The following TAFA1 variants were observed in gnomAD, a reference collection of about 807,000 sequenced individuals.
TAFA1 encodes TAFA chemokine like family member 1.
A neutral mutation model predicts 18.5 loss-of-function variants in TAFA1; 4 were observed. The ratio of observed to expected loss-of-function variants is 0.22; its 90% CI spans 0.11 to 0.49. TAFA1 has a LOEUF of 0.49. TAFA1 is among the 20% of genes least tolerant of loss of function. The pLI, the probability that TAFA1 is intolerant of heterozygous loss-of-function variation, is 0.98. For missense variants in TAFA1, 147 were observed against 169.0 expected, an observed-to-expected ratio of 0.87 and a Z score of 0.72; for synonymous variants, 56 against 55.2, an observed-to-expected ratio of 1.01 and a Z score of -0.06.
intron 2 of TAFA1, among the ~76,000 whole-genome samples, chr3:68,034,273 A>G (rs1370380008): frequency 2.0e-5 from 3 of 152,188 alleles, no homozygotes; most frequent in Non-Finnish European, 4.4e-5. Context: ...CTATGATGAT[A>G]ATGACAAATG....
chr3:68,491,671 C>T (rs576524487), intron 3 of TAFA1, among the ~76,000 whole-genome samples: 77 of 147,820 alleles, frequency 5.2e-4, no homozygotes, highest in Middle Eastern at 7.1e-3. Context: ...GCACATGTAC[C>T]CTAAAACTTA....
chr3:68,043,944 T>A lies in TAFA1; in HGVS notation c.118+37200T>A, dbSNP rs904821829. 9.2e-5 allele frequency among the ~76,000 whole-genome samples: 14 copies of A among 151,942 alleles called. No homozygotes were observed. The East Asian group carries it at 1.7e-3, about 19-fold the overall frequency. On this transcript the variant is annotated intron_variant, in intron 2 of 4. Transcript: ENST00000478136. ...TGTAAAAAATAAAAAGAAAGAAAAA[T>A]TCATTTCTGTTTTCTGACCTAGAAC...
chr3:68,018,923 A>G (rs1704624207), intron 2 of TAFA1, among the ~76,000 whole-genome samples: 1 of 152,180 alleles, frequency 6.6e-6, no homozygotes, highest in African/African-American at 2.4e-5. Flanking sequence ...TTATGATATG[A>G]CATTTGGTCT....
intron 2 of TAFA1, among the ~76,000 whole-genome samples, chr3:68,083,912 C>G (rs1237558977): frequency 6.6e-6 from 1 of 152,162 alleles, no homozygotes; most frequent in Non-Finnish European, 1.5e-5. Context: ...CCACAGGAAC[C>G]TCTTTTTTCT....
intron 4 of TAFA1, among the ~76,000 whole-genome samples, chr3:68,539,658 TC>T (rs2073335351): frequency 1.3e-4 from 9 of 71,556 alleles, no homozygotes; most frequent in African/African-American, 4.6e-4. Context: ...TCTCTCTTTG[TC>T]TCTCTCTGTG....
At chr3:68,319,815 C>T (rs2068669106) in intron 2 of TAFA1, among the ~76,000 whole-genome samples, 1 of 152,014 alleles carries the variant, frequency 6.6e-6, no homozygotes, top group Middle Eastern at 3.2e-3. Flanking sequence ...TTTAGTATTC[C>T]AAAGATGGGG....
intron 2 of TAFA1, among the ~76,000 whole-genome samples, chr3:68,042,792 A>C (rs1188617085): frequency 1.3e-5 from 2 of 152,242 alleles, no homozygotes; most frequent in South Asian, 4.1e-4. Flanking sequence ...GTTGACAGGC[A>C]CAGAGGCTGG....
intron 2 of TAFA1, among the ~76,000 whole-genome samples, chr3:68,175,757 A>G (rs561712040): frequency 1.3e-5 from 2 of 152,174 alleles, no homozygotes; most frequent in South Asian, 4.2e-4. Context: ...ATGAGTTAAG[A>G]CTTTGGGGGA....
intron 2 of TAFA1, among the ~76,000 whole-genome samples, chr3:68,085,279 AAC>A (rs2064957269): frequency 6.6e-6 from 1 of 152,214 alleles, no homozygotes; most frequent in Non-Finnish European, 1.5e-5. Flanking sequence ...AAAGAAAGCT[AAC>A]AGTTTTCTCT....
intron 2 of TAFA1, among the ~76,000 whole-genome samples, chr3:68,268,858 G>T (rs11706193): frequency 0.065 from 9,955 of 152,188 alleles, 371 homozygotes; most frequent in East Asian, 0.11. Context: ...CAGAGTGGCT[G>T]ACACAAACTC....
chr3:68,442,318 A>C (rs539233152), intron 3 of TAFA1, among the ~76,000 whole-genome samples: 16 of 152,206 alleles, frequency 1.1e-4, no homozygotes, highest in African/African-American at 3.9e-4. Flanking sequence ...AGGGTATTAC[A>C]TGTCAAAGGG....
chr3:68,237,607 A>G (rs987330772), intron 2 of TAFA1, among the ~76,000 whole-genome samples: 18 of 152,186 alleles, frequency 1.2e-4, no homozygotes, highest in African/African-American at 4.3e-4. Context: ...TTGGAGGCAG[A>G]TTATCTCAAA....
chr3:68,245,717 T>A (rs1427677963), intron 2 of TAFA1, among the ~76,000 whole-genome samples: 3 of 152,244 alleles, frequency 2.0e-5, no homozygotes, highest in Non-Finnish European at 2.9e-5. Context: ...ACTGATTACT[T>A]GCTAAATGAC....
intron 2 of TAFA1, among the ~76,000 whole-genome samples, chr3:68,268,420 C>T (rs1259480979): frequency 6.6e-6 from 1 of 152,046 alleles, no homozygotes; most frequent in African/African-American, 2.4e-5. Context: ...GGTGTGGAGA[C>T]ATGGATGGGG....
chr3:68,492,046 T>C (rs2072463864), intron 3 of TAFA1, among the ~76,000 whole-genome samples: 1 of 152,232 alleles, frequency 6.6e-6, no homozygotes, highest in Non-Finnish European at 1.5e-5. Flanking sequence ...TTAGTCTACG[T>C]ACAAGCAGTT....
At chr3:68,204,827 A>G (rs1364841256) in intron 2 of TAFA1, among the ~76,000 whole-genome samples, 1 of 151,850 alleles carries the variant, frequency 6.6e-6, no homozygotes, top group Non-Finnish European at 1.5e-5. Context: ...TTAATGACTA[A>G]TCTATGAGAT....
At chr3:68,059,864 A>G (rs2064579768) in intron 2 of TAFA1, among the ~76,000 whole-genome samples, 1 of 152,204 alleles carries the variant, frequency 6.6e-6, no homozygotes, top group South Asian at 2.1e-4. Context: ...GTTTTTACTT[A>G]GAAGAGCACC....
chr3:68,209,080 A>G (rs1045974566), intron 2 of TAFA1, among the ~76,000 whole-genome samples: 29 of 152,036 alleles, frequency 1.9e-4, no homozygotes, highest in Admixed American at 1.6e-3. Flanking sequence ...CTAGCAAAAA[A>G]ATGGGATGAT....
chr3:68,015,844 C>T (rs1016094490), intron 2 of TAFA1, among the ~76,000 whole-genome samples: 4 of 152,264 alleles, frequency 2.6e-5, no homozygotes, highest in Non-Finnish European at 5.9e-5. Context: ...AGTAAAACAA[C>T]TGAGTTATCA....
Sources: allele counts gnomAD v4.1 joint callset (sites outside exome capture counted in the v4.1 genomes callset), GRCh38; gene constraint gnomAD v4.1.1; transcripts MANE v1.5; gene names NCBI Gene and HGNC (gene_info 2026-07-23, HGNC 2026-07-21).